The following LRFN2 variants were observed in gnomAD, a reference collection of about 807,000 sequenced individuals.
LRFN2 encodes leucine-rich repeat and fibronectin type-III domain-containing protein 2.
Under a neutral mutation model 37.3 loss-of-function variants are expected in LRFN2, and 18 were observed. The ratio of observed to expected loss-of-function variants is 0.48; its 90% CI spans 0.33 to 0.72. The LOEUF is 0.72. Among genes scored for constraint, LRFN2 ranks in the 30% least tolerant of loss-of-function variants. The probability of loss-of-function intolerance (pLI) is 0.02; values close to 1 mark genes in which losing one functional copy is unlikely to be tolerated. For missense variants in LRFN2, 1,006 were observed against 1,060.7 expected, an observed-to-expected ratio of 0.95 and a Z score of 0.72; for synonymous variants, 556 against 466.6, an observed-to-expected ratio of 1.19 and a Z score of -2.47.
intron 1 of LRFN2, among the ~76,000 whole-genome samples, chr6:40,466,361 G>A (rs748431537): frequency 2.0e-5 from 3 of 152,182 alleles, no homozygotes; most frequent in Non-Finnish European, 4.4e-5. Context: ...GGAGGTTCCA[G>A]ATGGGGAAAT....
chr6:40,472,583 C>T (rs73732672), intron 1 of LRFN2, among the ~76,000 whole-genome samples: 3,857 of 152,266 alleles, frequency 0.025, 181 homozygotes, highest in African/African-American at 0.086. Context: ...AGATTCACCC[C>T]GTGTAAGCCG....
At chr6:40,399,704 C>T (rs891742912) in intron 2 of LRFN2, among the ~76,000 whole-genome samples, 8 of 151,832 alleles carry the variant, frequency 5.3e-5, no homozygotes, top group African/African-American at 1.9e-4. Flanking sequence ...TCCTAAAGTG[C>T]TGGGATTACA....
chr6:40,530,098 G>A (rs1766319269), intron 1 of LRFN2, among the ~76,000 whole-genome samples: 2 of 152,172 alleles, frequency 1.3e-5, no homozygotes, highest in Admixed American at 1.3e-4. Flanking sequence ...GTCGCAGAAG[G>A]AATGAAGCAG....
intron 1 of LRFN2, among the ~76,000 whole-genome samples, chr6:40,524,972 G>A (rs1766207902): frequency 1.3e-5 from 2 of 152,226 alleles, no homozygotes; most frequent in South Asian, 4.1e-4. Context: ...CTCGGTTCTA[G>A]TCTTGGCACT....
At chr6:40,533,346 T>C (rs2113910737) in intron 1 of LRFN2, among the ~76,000 whole-genome samples, 1 of 151,528 alleles carries the variant, frequency 6.6e-6, no homozygotes, top group Middle Eastern at 3.4e-3. Context: ...GAGTGGGATG[T>C]TTTCTACTTT....
rs192299727 is a variant in LRFN2, at chr6:40,428,361, G to A, written c.1400+3353C>T. Reference sequence around the variant, plus strand: ...GGCTGCATTTAGCTTTCTCTGTACAGCATGTGCTCCTCTTTAATACTCATC... The same window carrying A: ...GGCTGCATTTAGCTTTCTCTGTACAACATGTGCTCCTCTTTAATACTCATC... On this transcript the variant is annotated intron_variant, in intron 2 of 2. Coordinates refer to ENST00000338305, the MANE Select transcript of LRFN2 (RefSeq NM_020737.3). Among the ~76,000 whole-genome samples, 270 of 152,328 alleles carry A rather than the reference G, an allele frequency of 1.8e-3. 1 individual carries two copies. The highest frequency in any genetic ancestry group is 2.6e-3 in the Non-Finnish European group (179 of 68,028).
intron 1 of LRFN2, among the ~76,000 whole-genome samples, chr6:40,468,941 G>C (rs1764532131): frequency 6.6e-6 from 1 of 152,140 alleles, no homozygotes; most frequent in Non-Finnish European, 1.5e-5. Context: ...CCATTGTAGT[G>C]GGTTGAATGG....
chr6:40,404,275 G>A (rs1762800417), intron 2 of LRFN2, among the ~76,000 whole-genome samples: 2 of 151,842 alleles, frequency 1.3e-5, no homozygotes, highest in African/African-American at 4.8e-5. Flanking sequence ...GTTTGTTTGG[G>A]TTGTTTTTTT....
At chr6:40,549,594 T>C (rs1766730351) in intron 1 of LRFN2, among the ~76,000 whole-genome samples, 1 of 152,252 alleles carries the variant, frequency 6.6e-6, no homozygotes, top group Non-Finnish European at 1.5e-5. Context: ...AATCCAAATT[T>C]CCTGAGATTA....
intron 1 of LRFN2, among the ~76,000 whole-genome samples, chr6:40,468,954 G>GC (rs1306313904): frequency 1.3e-5 from 2 of 152,236 alleles, no homozygotes; most frequent in East Asian, 1.9e-4. Context: ...TTGAATGGAG[G>GC]CCCCCCAAAA....
At chr6:40,546,843 G>A (rs991333268) in intron 1 of LRFN2, among the ~76,000 whole-genome samples, 2 of 152,288 alleles carry the variant, frequency 1.3e-5, no homozygotes, top group African/African-American at 2.4e-5. Context: ...GTGAGTATGC[G>A]ATAGAGTCAA....
intron 1 of LRFN2, among the ~76,000 whole-genome samples, chr6:40,441,920 C>T (rs141132300): frequency 2.8e-3 from 419 of 152,330 alleles, no homozygotes; most frequent in African/African-American, 9.5e-3. Flanking sequence ...TGGATGGAAC[C>T]TTCTCACCCA....
chr6:40,469,368 T>C (rs549089767), intron 1 of LRFN2, among the ~76,000 whole-genome samples: 3 of 148,456 alleles, frequency 2.0e-5, no homozygotes, highest in Admixed American at 2.0e-4. Context: ...TGGTCATTTG[T>C]TGCAGATGTC....
chr6:40,473,970 C>T (rs1173909180), intron 1 of LRFN2, among the ~76,000 whole-genome samples: 3 of 152,198 alleles, frequency 2.0e-5, no homozygotes, highest in African/African-American at 7.2e-5. Flanking sequence ...TGCCTCCTCA[C>T]TCACCGGAAT....
intron 1 of LRFN2, among the ~76,000 whole-genome samples, chr6:40,508,621 C>T (rs1240577444): frequency 1.3e-5 from 2 of 152,226 alleles, no homozygotes; most frequent in African/African-American, 4.8e-5. Context: ...TCCATGCCTC[C>T]ATTTCCTTTC....
At chr6:40,447,608 T>C (rs1384535472) in intron 1 of LRFN2, among the ~76,000 whole-genome samples, 2 of 152,118 alleles carry the variant, frequency 1.3e-5, no homozygotes, top group Non-Finnish European at 2.9e-5. Flanking sequence ...GTAGATGATA[T>C]CATCATCATC....
Position 40,432,770 on chromosome 6 carries a change from A to G in LRFN2, c.344T>C (p.Leu115Pro). 6.2e-7 allele frequency: 1 copy of G among 1,614,190 alleles called. No individual in the cohort carries two copies. The highest frequency in any genetic ancestry group is 8.5e-7 in the Non-Finnish European group (1 of 1,180,030). The change falls in exon 2 of 3, where the codon CTT becomes CCT. Residue 115 changes from leucine (L) to proline (P), a missense_variant. Coordinates refer to ENST00000338305, the MANE Select transcript of LRFN2 (RefSeq NM_020737.3). ...LHLDSNRLPSLGEDTLRGLVN... is the reference protein window; with the variant it reads ...LHLDSNRLPSPGEDTLRGLVN... ...CAGGCCCCGGAGGGTGTCCTCCCCAAGGCTTGGCAGCCGATTGCTGTCAAG... is the reference window on the plus strand; with the variant it reads ...CAGGCCCCGGAGGGTGTCCTCCCCAGGGCTTGGCAGCCGATTGCTGTCAAG...
intron 1 of LRFN2, among the ~76,000 whole-genome samples, chr6:40,518,965 C>T (rs565897951): frequency 2.0e-5 from 3 of 152,150 alleles, no homozygotes; most frequent in South Asian, 2.1e-4. Context: ...GAGCTCAGCA[C>T]GTTCAGTGGG....
chr6:40,492,278 G>A (rs9357330), intron 1 of LRFN2, among the ~76,000 whole-genome samples: 2,592 of 152,234 alleles, frequency 0.017, 42 homozygotes, highest in East Asian at 0.061. Context: ...CGTGAAGGGC[G>A]GGAAGGTGCA....
Sources: gnomAD v4.1 joint callset for allele counts (sites outside exome capture counted in the v4.1 genomes callset) on GRCh38, gnomAD v4.1.1 for gene constraint, MANE v1.5 for transcripts, NCBI Gene and HGNC (gene_info 2026-07-23, HGNC 2026-07-21) for gene names.